The following MACF1 variants were observed in gnomAD, a reference collection of about 807,000 sequenced individuals.
MACF1 encodes the protein microtubule-actin cross-linking factor 1.
A neutral mutation model predicts 854.8 loss-of-function variants in MACF1; 193 were observed. The observed-to-expected ratio is 0.23, with a 90% CI of 0.20 to 0.25. The LOEUF (loss-of-function observed/expected upper bound fraction) is 0.25, where lower values mean the gene tolerates loss of function less well. MACF1 is among the 10% of genes least tolerant of loss of function. The probability of loss-of-function intolerance (pLI) is 1.00; values close to 1 mark genes in which losing one functional copy is unlikely to be tolerated. For missense variants in MACF1, 7,722 were observed against 8,929.1 expected, an observed-to-expected ratio of 0.86 and a Z score of 5.45; for synonymous variants, 3,185 against 3,226.7, an observed-to-expected ratio of 0.99 and a Z score of 0.44.
At position 39,454,945 on chromosome 1, in the gene MACF1, G is replaced by A. The variant is rs1644407595; in HGVS notation, c.20923G>A (p.Glu6975Lys). ...GGCTAAGCAGCACCAGCAGCGTCTT[G>A]AAACGGCCTTGTCAGAACTGGTGGC... is the stretch of plus-strand genomic sequence containing the variant. ...TWAKQHQQRL[E>K]TALSELVANA... is the part of the protein sequence containing the mutation. The change falls in exon 89 of 101, where the codon GAA becomes AAA. Residue 6975 changes from glutamate (E) to lysine (K), a missense_variant. Physicochemically the swap from Glu to Lys is moderately conservative, Grantham distance 56. Around this residue, in one of 15 missense-constraint regions of MACF1, gnomAD observed 729 missense variants for 900.5 expected, o/e 0.81. Coordinates refer to ENST00000564288, the MANE Select transcript of MACF1 (RefSeq NM_001394062.1). The A allele has an allele frequency of 6.2e-7, 1 of 1,614,082 alleles. No individual in the cohort carries two copies. Among genetic ancestry groups the A allele is most frequent in the African/African-American group, 1.3e-5 (1 of 74,932 alleles).
chr1:39,325,535 A>G (rs1473960747), intron 35 of MACF1, among the ~76,000 whole-genome samples: 3 of 152,234 alleles, frequency 2.0e-5, no homozygotes, highest in African/African-American at 7.2e-5. Context: ...TTGTTTTCTT[A>G]AAAGATACAA....
At position 39,442,758 on chromosome 1, in the gene MACF1, A is replaced by G; in HGVS notation, c.19149A>G (p.Thr6383=). The change falls in exon 78 of 101, where the codon ACA becomes ACG. Residue 6383 remains threonine, a synonymous_variant. Transcript: ENST00000564288. Reference sequence around the variant, plus strand: ...TGGCTCATCAAGCCACAGTGGAAACAGTCAACAAAGCTGGCAATGAGCTTC... The same window carrying G: ...TGGCTCATCAAGCCACAGTGGAAACGGTCAACAAAGCTGGCAATGAGCTTC... ...DVLAHQATVE[T]VNKAGNELLE... is the part of the protein sequence containing the mutation. 6.2e-7 allele frequency: 1 copy of G among 1,614,082 alleles called. No individual in the cohort carries two copies. The highest frequency in any genetic ancestry group is 8.5e-7 in the Non-Finnish European group (1 of 1,180,022).
chr1:39,243,843 A>G (rs1431584134), intron 2 of MACF1, among the ~76,000 whole-genome samples: 1 of 152,062 alleles, frequency 6.6e-6, no homozygotes, highest in African/African-American at 2.4e-5. Context: ...AATTTAGTAG[A>G]TGTGTGATTT....
chr1:39,333,564 A>T lies in MACF1; in HGVS notation c.6976A>T (p.Met2326Leu), dbSNP rs1646763471. ...GCCAAGTCACACTGCCGTGAAGCTT[A>T]TGGAGAAGCTGAACATGTTTCAGGG... ...IVPSHTAVKL[M>L]EKLNMFQGFF... The change falls in exon 37 of 101, where the codon ATG becomes TTG. Residue 2326 changes from methionine to leucine, a missense_variant. Around this residue, in one of 15 missense-constraint regions of MACF1, gnomAD observed 1,531 missense variants for 1,601.6 expected, o/e 0.96. Transcript: ENST00000564288. The T allele has an allele frequency of 6.2e-7, 1 of 1,614,244 alleles. No homozygotes were observed.
At chr1:39,125,450 C>G (rs984812922) in intron 2 of MACF1, among the ~76,000 whole-genome samples, 2 of 152,178 alleles carry the variant, frequency 1.3e-5, no homozygotes, top group Non-Finnish European at 2.9e-5. Flanking sequence ...CGTATTAGCA[C>G]CTAGCATATG....
At chr1:39,269,639 A>G in intron 6 of MACF1, 1 of 1,289,816 alleles carries the variant, frequency 7.8e-7, no homozygotes, top group Non-Finnish European at 1.0e-6. Flanking sequence ...CAGAACCTGA[A>G]AAGAGCTCTA....
intron 98 of MACF1, among the ~76,000 whole-genome samples, chr1:39,480,600 A>G (rs1259621504): frequency 6.6e-6 from 1 of 152,124 alleles, no homozygotes; most frequent in Non-Finnish European, 1.5e-5. Context: ...ACTGCACTCC[A>G]GCCTGGGCAA....
In MACF1 at chr1:39,406,738, C is replaced by CAAAAAAAAAAAAAAAAAA. The variant is rs5773658; in HGVS notation, c.15817-15633_15817-15616dup. ...CGACAGAGTGAGACAGAGTCTCACT[C>CAAAAAAAAAAAAAAAAAA]AAAAAAAAAAAAAAAAAAAACATTC... On this transcript the variant is annotated intron_variant, in intron 58 of 100. Coordinates refer to ENST00000564288, the MANE Select transcript of MACF1 (RefSeq NM_001394062.1). 1.4e-3 allele frequency among the ~76,000 whole-genome samples: 44 copies of CAAAAAAAAAAAAAAAAAA among 31,804 alleles called. 2 individuals are homozygous for CAAAAAAAAAAAAAAAAAA. The highest frequency in any genetic ancestry group is 3.7e-3 in the African/African-American group (25 of 6,776). 20.9% of individuals were successfully genotyped at this position (31,804 alleles called of 152,430 possible).
intron 99 of MACF1, among the ~76,000 whole-genome samples, chr1:39,483,097 AAAAAAAAAAAAAAAAC>A (rs2124252695): frequency 6.8e-6 from 1 of 146,876 alleles, no homozygotes; most frequent in South Asian, 2.1e-4. Context: ...AAAAAAAAAA[AAAAAAAAAAAAAAAAC>A]ACCCACACAT....
Position 39,454,239 on chromosome 1 carries a change from G to C in MACF1, c.20886+389G>C, listed in dbSNP as rs187778693. On this transcript the variant is annotated intron_variant, in intron 88 of 100. Transcript: ENST00000564288. ...GGGTCCACATTCACAGCCAAACATG[G>C]ATAGAAAATACAGTATTCACGGGAA... is the stretch of plus-strand genomic sequence containing the variant. Among the ~76,000 whole-genome samples, 638 of 152,314 alleles carry C rather than the reference G, an allele frequency of 4.2e-3. 13 individuals are homozygous for C. The highest frequency in any genetic ancestry group is 0.035 in the Admixed American group (539 of 15,298).
chr1:39,187,408 A>G (rs1290113441), intron 2 of MACF1, among the ~76,000 whole-genome samples: 2 of 152,052 alleles, frequency 1.3e-5, no homozygotes, highest in African/African-American at 2.4e-5. Context: ...TTCACTCTGG[A>G]TGGGTTGCTC....
At chr1:39,174,183 C>G (rs916664476) in intron 2 of MACF1, among the ~76,000 whole-genome samples, 14 of 152,190 alleles carry the variant, frequency 9.2e-5, no homozygotes, top group Admixed American at 9.2e-4. Context: ...ACCTGCTGTA[C>G]TGATCTGACC....
At chr1:39,216,268 G>T in intron 1 of MACF1, among the ~76,000 whole-genome samples, 1 of 152,140 alleles carries the variant, frequency 6.6e-6, no homozygotes, top group East Asian at 1.9e-4. Flanking sequence ...TGAAAGAATT[G>T]TTATTATATG....
rs151097384 is a variant in MACF1, at chr1:39,367,301, A to T, written c.12772-847A>T. On this transcript the variant is annotated intron_variant, in intron 49 of 100. Transcript: ENST00000564288. Reference sequence around the variant, plus strand: ...ATACAGTTTTATCTCTTCTTTTCCAATTCTTACTCCACAGATTGTTTTCTC... The same window carrying T: ...ATACAGTTTTATCTCTTCTTTTCCATTTCTTACTCCACAGATTGTTTTCTC... Among the ~76,000 whole-genome samples the T allele has an allele frequency of 1.8e-4, 27 of 151,536 alleles. 2 individuals are homozygous for T. In the South Asian group the frequency reaches 5.2e-3, roughly 29 times the overall value.
chr1:39,109,429 C>T (rs1177428241), intron 2 of MACF1, among the ~76,000 whole-genome samples: 1 of 152,098 alleles, frequency 6.6e-6, no homozygotes, highest in Non-Finnish European at 1.5e-5. Context: ...GCCACCATGC[C>T]TGGCTAATTT....
At chr1:39,435,788 C>A (rs750387283) in intron 70 of MACF1, 27 bp downstream of exon 70, 1 of 1,599,964 alleles carries the variant, frequency 6.3e-7, no homozygotes, top group South Asian at 1.1e-5. Context: ...CACTCATAAC[C>A]TTGAATTGTC....
At chr1:39,285,043 G>A (rs770222138) in intron 11 of MACF1, 40 bp from the exon 12 acceptor site, 2 of 1,610,616 alleles carry the variant, frequency 1.2e-6, no homozygotes, top group East Asian at 4.5e-5. Context: ...GGACAAGAGG[G>A]CATGGCTGTG....
At chr1:39,131,888 C>G (rs1234119635) in intron 2 of MACF1, among the ~76,000 whole-genome samples, 2 of 152,174 alleles carry the variant, frequency 1.3e-5, no homozygotes, top group East Asian at 1.9e-4. Flanking sequence ...TTCAAGTGAT[C>G]CTCCTGCCTC....
intron 29 of MACF1, 95 bp from the exon 30 acceptor site, chr1:39,318,358 C>A: frequency 8.7e-7 from 1 of 1,148,294 alleles, no homozygotes; most frequent in Non-Finnish European, 1.3e-6. Context: ...GTGGTCAAGC[C>A]CAGCTGGATA....
Sources: gnomAD v4.1 joint callset for allele counts (sites outside exome capture counted in the v4.1 genomes callset) on GRCh38, gnomAD v4.1.1 for gene constraint, gnomAD v4.1.1 regional missense constraint, MANE v1.5 for transcripts, NCBI Gene and HGNC (gene_info 2026-07-23, HGNC 2026-07-21) for gene names.